The following VEPH1 variants were observed in gnomAD, a reference collection of about 807,000 sequenced individuals.
The protein encoded by VEPH1 is ventricular zone-expressed PH domain-containing protein homolog 1.
A neutral mutation model predicts 85.2 loss-of-function variants in VEPH1; 80 were observed. The observed-to-expected ratio is 0.94, with a 90% CI of 0.78 to 1.13. The LOEUF is 1.13. Ranked by LOEUF, VEPH1 falls within the 50% of genes most tolerant of loss-of-function variation. The pLI, the probability that VEPH1 is intolerant of heterozygous loss-of-function variation, is 0.00. For synonymous variants in VEPH1, 297 were observed against 348.0 expected (o/e 0.85, Z 1.63); for missense variants, 955 against 980.5 (o/e 0.97, Z 0.35).
intron 12 of VEPH1, among the ~76,000 whole-genome samples, chr3:157,267,106 T>TC (rs1713778850): frequency 7.6e-6 from 1 of 131,642 alleles, no homozygotes; most frequent in Non-Finnish European, 1.5e-5. Flanking sequence ...TTTTTTCTTT[T>TC]TTTTTTTTTT....
At chr3:157,349,275 C>G (rs1266354636) in intron 9 of VEPH1, among the ~76,000 whole-genome samples, 3 of 152,122 alleles carry the variant, frequency 2.0e-5, no homozygotes, top group Non-Finnish European at 4.4e-5. Context: ...GAATTAAGAA[C>G]AAAAACCAGA....
chr3:157,310,488 T>G (rs1346318590), intron 11 of VEPH1, among the ~76,000 whole-genome samples: 1 of 152,202 alleles, frequency 6.6e-6, no homozygotes, highest in Non-Finnish European at 1.5e-5. Flanking sequence ...ACAGCAGATC[T>G]TAAAGCCAGG....
chr3:157,421,109 G>C (rs1732299968), intron 5 of VEPH1, among the ~76,000 whole-genome samples: 2 of 152,182 alleles, frequency 1.3e-5, no homozygotes, highest in African/African-American at 4.8e-5. Flanking sequence ...AAAGTAGGAT[G>C]CCTAGAGGGC....
intron 7 of VEPH1, among the ~76,000 whole-genome samples, chr3:157,371,524 C>A (rs924992061): frequency 2.6e-5 from 4 of 152,192 alleles, no homozygotes; most frequent in Non-Finnish European, 5.9e-5. Flanking sequence ...CACCTTGGAG[C>A]TTGTCAGAAG....
At chr3:157,379,025 T>A (rs1728465540) in intron 7 of VEPH1, among the ~76,000 whole-genome samples, 1 of 152,234 alleles carries the variant, frequency 6.6e-6, no homozygotes, top group South Asian at 2.1e-4. Context: ...CTTCATGATG[T>A]TAGTTACTCG....
At chr3:157,490,568 A>T (rs1739135953) in intron 2 of VEPH1, among the ~76,000 whole-genome samples, 1 of 152,178 alleles carries the variant, frequency 6.6e-6, no homozygotes, top group African/African-American at 2.4e-5. Flanking sequence ...TTAAACAATT[A>T]CATGCTGCTT....
intron 4 of VEPH1, among the ~76,000 whole-genome samples, chr3:157,441,718 G>C (rs956992404): frequency 6.6e-6 from 1 of 151,860 alleles, no homozygotes; most frequent in East Asian, 1.9e-4. Context: ...GCTGAGGCAG[G>C]AGAATCGCTT....
At chr3:157,447,509 A>C (rs887851284) in intron 4 of VEPH1, among the ~76,000 whole-genome samples, 2 of 152,156 alleles carry the variant, frequency 1.3e-5, no homozygotes, top group African/African-American at 4.8e-5. Context: ...TTCCTTTAAG[A>C]ATAATTGTAT....
At chr3:157,293,106 A>G (rs754383235) in intron 11 of VEPH1, among the ~76,000 whole-genome samples, 4 of 152,220 alleles carry the variant, frequency 2.6e-5, no homozygotes, top group Admixed American at 2.0e-4. Context: ...AAATTGTGCA[A>G]TACGGCAAGA....
chr3:157,286,329 T>C (rs1716762166), intron 12 of VEPH1: 4 of 517,022 alleles, frequency 7.7e-6, no homozygotes, highest in Non-Finnish European at 1.4e-5. Flanking sequence ...GCTTCCTTGA[T>C]AACCACATAT....
chr3:157,435,070 C>CT (rs376408193), intron 4 of VEPH1, among the ~76,000 whole-genome samples: 3,012 of 149,742 alleles, frequency 0.02, 103 homozygotes, highest in African/African-American at 0.068. Context: ...TTTCAATTAA[C>CT]TTTTTTTTTT....
chr3:157,492,366 C>T (rs961639731), intron 2 of VEPH1, among the ~76,000 whole-genome samples: 8 of 152,014 alleles, frequency 5.3e-5, no homozygotes, highest in Admixed American at 4.6e-4. Context: ...TTTATATTTC[C>T]AAGTCTTGTA....
chr3:157,339,101 G>A (rs988989548), intron 9 of VEPH1, among the ~76,000 whole-genome samples: 2 of 152,176 alleles, frequency 1.3e-5, no homozygotes, highest in East Asian at 1.9e-4. Flanking sequence ...TGCACACTCT[G>A]AGTAGGTATC....
intron 6 of VEPH1, chr3:157,413,522 T>C (rs959241696): frequency 2.0e-6 from 2 of 985,312 alleles, no homozygotes; most frequent in African/African-American, 1.7e-5. Context: ...TTGTTGTTAC[T>C]GCAAAGTGGT....
At chr3:157,274,108 G>C (rs1715077376) in intron 12 of VEPH1, among the ~76,000 whole-genome samples, 1 of 152,166 alleles carries the variant, frequency 6.6e-6, no homozygotes, top group East Asian at 1.9e-4. Flanking sequence ...CAACACAAAT[G>C]GCTGTGGGGG....
At chr3:157,437,519 C>G in intron 4 of VEPH1, 1 of 1,605,240 alleles carries the variant, frequency 6.2e-7, no homozygotes, top group Non-Finnish European at 8.5e-7. Flanking sequence ...CTAGCCACGC[C>G]GTGCGCCTGC....
At chr3:157,334,147 T>C (rs899715967) in intron 9 of VEPH1, among the ~76,000 whole-genome samples, 1 of 152,232 alleles carries the variant, frequency 6.6e-6, no homozygotes, top group African/African-American at 2.4e-5. Flanking sequence ...TAACTAAGCC[T>C]GACTTTCCTA....
chr3:157,428,227 T>C, intron 5 of VEPH1, 95 bp downstream of exon 5: 1 of 1,329,514 alleles, frequency 7.5e-7, no homozygotes, highest in Non-Finnish European at 1.0e-6. Context: ...CATTTGTAAA[T>C]GTATGAGACA....
chr3:157,413,001 G>T (rs1393231163), intron 6 of VEPH1, among the ~76,000 whole-genome samples: 4 of 152,032 alleles, frequency 2.6e-5, no homozygotes, highest in Admixed American at 1.3e-4. Flanking sequence ...TTTTAATTTT[G>T]TCTTATGCAG....
Sources: allele counts gnomAD v4.1 joint callset (sites outside exome capture counted in the v4.1 genomes callset), GRCh38; gene constraint gnomAD v4.1.1; transcripts MANE v1.5; gene names NCBI Gene and HGNC (gene_info 2026-07-23, HGNC 2026-07-21).